The following CRB1 variants were observed in gnomAD, a reference collection of about 807,000 sequenced individuals.
The protein encoded by CRB1 is protein crumbs homolog 1.
In CRB1, 83 loss-of-function variants were observed where a neutral mutation model predicts 120.0. The observed-to-expected ratio is 0.69, with a 90% confidence interval of 0.58 to 0.83. The LOEUF (loss-of-function observed/expected upper bound fraction) is 0.83. Among genes scored for constraint, CRB1 ranks in the 40% least tolerant of loss-of-function variants. The pLI is 0.00. For missense variants in CRB1, 1,699 were observed against 1,687.6 expected, an observed-to-expected ratio of 1.01 and a Z score of -0.12; for synonymous variants, 625 against 612.5, an observed-to-expected ratio of 1.02 and a Z score of -0.30.
At chr1:197,264,746 C>T (rs1260075658), upstream of CRB1, among the ~76,000 whole-genome samples, 1 of 151,670 alleles carries the variant, frequency 6.6e-6, no homozygotes, top group Non-Finnish European at 1.5e-5. Flanking sequence ...CTCAGCCTCC[C>T]AAGTAGCTAG....
At chr1:197,218,363 G>C in the CRB1 span, among the ~76,000 whole-genome samples, 1 of 152,302 alleles carries the variant, frequency 6.6e-6, no homozygotes, top group East Asian at 1.9e-4. Flanking sequence ...GTGATTGCTA[G>C]AACTCATTTA....
intron 5 of CRB1, among the ~76,000 whole-genome samples, chr1:197,404,379 T>A (rs1259166278): frequency 6.9e-6 from 1 of 144,806 alleles, no homozygotes; most frequent in African/African-American, 2.6e-5. Context: ...GAGGCGGAGC[T>A]TGCAGTGAGC....
At chr1:197,287,233 A>G (rs941430056) in intron 1 of CRB1, among the ~76,000 whole-genome samples, 4 of 151,846 alleles carry the variant, frequency 2.6e-5, no homozygotes, top group African/African-American at 9.7e-5. Flanking sequence ...ATGAGTTGAG[A>G]ACCAAAAGTG....
the CRB1 span, among the ~76,000 whole-genome samples, chr1:197,203,626 A>C: frequency 2.2e-4 from 33 of 152,302 alleles, no homozygotes; most frequent in Non-Finnish European, 2.4e-4. Context: ...CGACTGGCCT[A>C]CTTGACATTT....
chr1:197,379,251 T>A (rs533978861), intron 5 of CRB1, among the ~76,000 whole-genome samples: 1 of 152,290 alleles, frequency 6.6e-6, no homozygotes, highest in African/African-American at 2.4e-5. Flanking sequence ...TTTCTAAAGA[T>A]CAGTGAAAAT....
At chr1:197,247,164 G>C in the CRB1 span, among the ~76,000 whole-genome samples, 1 of 151,900 alleles carries the variant, frequency 6.6e-6, no homozygotes, top group Admixed American at 6.6e-5. Context: ...ACCATTCTTG[G>C]TTAGTGCAAA....
chr1:197,267,787 G>T (rs1654688323), upstream of CRB1, among the ~76,000 whole-genome samples: 2 of 152,114 alleles, frequency 1.3e-5, no homozygotes, highest in Admixed American at 1.3e-4. Context: ...AGAATAAAAT[G>T]AGCTCTGGAC....
chr1:197,407,512 T>C (rs190324273), intron 5 of CRB1, among the ~76,000 whole-genome samples: 6 of 152,330 alleles, frequency 3.9e-5, no homozygotes, highest in Admixed American at 3.9e-4. Flanking sequence ...AGTGTTTTAT[T>C]TCCTGCGATC....
At chr1:197,425,105 C>T (rs1173105668) in intron 6 of CRB1, among the ~76,000 whole-genome samples, 1 of 152,196 alleles carries the variant, frequency 6.6e-6, no homozygotes, top group Non-Finnish European at 1.5e-5. Context: ...CCCCGCTACC[C>T]CTGAGGTTGA....
chr1:197,478,163 T>A lies in CRB1; in HGVS notation c.*284T>A, dbSNP rs1316233664. The A allele has an allele frequency of 2.4e-6, 1 of 423,386 alleles. No individual in the cohort carries two copies. Among genetic ancestry groups the A allele is most frequent in the African/African-American group, 2.0e-5 (1 of 49,806 alleles). The allele number at this position is 423,386 out of a possible 1,614,324, so 26.2% of individuals were successfully genotyped here. On this transcript the variant is annotated 3_prime_UTR_variant, in exon 12 of 12. Coordinates refer to ENST00000367400, the MANE Select transcript of CRB1 (RefSeq NM_201253.3). Reference sequence around the variant, plus strand: ...AGAATAAAGTCTTCTGTGGCTTTAGTGGCTATCACTGAAACTCTTTCCTCT... The same window carrying A: ...AGAATAAAGTCTTCTGTGGCTTTAGAGGCTATCACTGAAACTCTTTCCTCT...
At chr1:197,467,512 C>T (rs1220667860) in intron 11 of CRB1, among the ~76,000 whole-genome samples, 1 of 152,142 alleles carries the variant, frequency 6.6e-6, no homozygotes, top group Non-Finnish European at 1.5e-5. Context: ...AATAATGTCC[C>T]TTATAGATTT....
intron 5 of CRB1, among the ~76,000 whole-genome samples, chr1:197,410,065 G>A (rs1174507930): frequency 6.6e-6 from 1 of 152,186 alleles, no homozygotes; most frequent in Non-Finnish European, 1.5e-5. Flanking sequence ...CATTACAGGC[G>A]TGAGCCACTG....
At chr1:197,477,616 T>C (rs762816330) in intron 11 of CRB1, 48 bp from the exon 12 acceptor site, 6 of 1,560,744 alleles carry the variant, frequency 3.8e-6, no homozygotes, top group Non-Finnish European at 5.3e-6. Context: ...TGAATATTTA[T>C]TTGCCTTTGC....
At chr1:197,227,274 G>T in the CRB1 span, among the ~76,000 whole-genome samples, 2 of 152,200 alleles carry the variant, frequency 1.3e-5, no homozygotes, top group South Asian at 2.1e-4. Flanking sequence ...TACAATGGGG[G>T]TACAGGTATT....
intron 1 of CRB1, among the ~76,000 whole-genome samples, chr1:197,294,314 A>T (rs573339582): frequency 2.6e-5 from 4 of 152,318 alleles, no homozygotes; most frequent in East Asian, 1.9e-4. Flanking sequence ...CACGAAAAAA[A>T]ATATTCATCA....
At chr1:197,400,145 T>C (rs572490774) in intron 5 of CRB1, among the ~76,000 whole-genome samples, 2 of 152,246 alleles carry the variant, frequency 1.3e-5, no homozygotes, top group East Asian at 3.9e-4. Context: ...CCTAATATTA[T>C]ACATGGCAAG....
At chr1:197,229,011 G>A in the CRB1 span, among the ~76,000 whole-genome samples, 7 of 152,104 alleles carry the variant, frequency 4.6e-5, no homozygotes, top group African/African-American at 7.2e-5. Flanking sequence ...ATCTCCCACC[G>A]TGTTCCTCCC....
At position 197,427,448 on chromosome 1, in the gene CRB1, T is replaced by A; in HGVS notation, c.2129-6T>A. The A allele has an allele frequency of 6.2e-7, 1 of 1,613,428 alleles. No individual in the cohort carries two copies. The highest frequency in any genetic ancestry group is 1.1e-5 in the South Asian group (1 of 91,050). On this transcript the variant is annotated splice_region_variant and splice_polypyrimidine_tract_variant and intron_variant, in intron 6 of 11. Transcript: ENST00000367400. ...TTTCTCCTCCTCCTCTATTTTGACA[T>A]TGAAGAGTATGTGGCAGGCAGATTT...
intron 11 of CRB1, chr1:197,442,654 T>G: frequency 1.3e-6 from 1 of 781,564 alleles, no homozygotes; most frequent in Non-Finnish European, 1.9e-6. Flanking sequence ...TATCTCCTTA[T>G]TGTGTGTATT....
Sources: allele counts gnomAD v4.1 joint callset (sites outside exome capture counted in the v4.1 genomes callset), GRCh38; gene constraint gnomAD v4.1.1; transcripts MANE v1.5; gene names NCBI Gene and HGNC (gene_info 2026-07-23, HGNC 2026-07-21).